The following AKAP19 variants were observed in gnomAD, a reference collection of about 807,000 sequenced individuals.
AKAP19 encodes the protein small A-kinase anchoring protein.
At chr2:190,081,628 T>C in the AKAP19 span, among the ~76,000 whole-genome samples, 2 of 152,308 alleles carry the variant, frequency 1.3e-5, no homozygotes, top group African/African-American at 4.8e-5. Flanking sequence ...TATTAGTTTG[T>C]TTTATAGACT....
At chr2:190,145,338 G>A in the AKAP19 span, among the ~76,000 whole-genome samples, 5 of 152,114 alleles carry the variant, frequency 3.3e-5, no homozygotes, top group Non-Finnish European at 7.4e-5. Flanking sequence ...GTTTTCTATT[G>A]TATAGATACA....
At chr2:189,995,789 C>A in the AKAP19 span, among the ~76,000 whole-genome samples, 2 of 151,902 alleles carry the variant, frequency 1.3e-5, no homozygotes, top group African/African-American at 4.8e-5. Context: ...TATAGAACTC[C>A]TTTTAGCATT....
chr2:189,997,171 A>G, the AKAP19 span, among the ~76,000 whole-genome samples: 1 of 152,114 alleles, frequency 6.6e-6, no homozygotes, highest in Non-Finnish European at 1.5e-5. Flanking sequence ...CCTTCTTTGG[A>G]GCAGGATTAT....
At chr2:189,901,544 G>T in the AKAP19 span, among the ~76,000 whole-genome samples, 1 of 152,006 alleles carries the variant, frequency 6.6e-6, no homozygotes, top group African/African-American at 2.4e-5. Flanking sequence ...CATCATGTTG[G>T]CCAGGCTGGT....
the AKAP19 span, among the ~76,000 whole-genome samples, chr2:190,136,740 G>C: frequency 6.6e-6 from 1 of 152,176 alleles, no homozygotes; most frequent in Non-Finnish European, 1.5e-5. Flanking sequence ...GTGAGAAATA[G>C]AGAAATATTC....
the AKAP19 span, among the ~76,000 whole-genome samples, chr2:189,893,794 AT>A: frequency 3.9e-5 from 6 of 152,246 alleles, no homozygotes; most frequent in South Asian, 1.2e-3. Context: ...CAATAAAAAA[AT>A]AACAATATAG....
At chr2:189,889,957 C>A in the AKAP19 span, among the ~76,000 whole-genome samples, 45 of 152,180 alleles carry the variant, frequency 3.0e-4, no homozygotes, top group African/African-American at 1.0e-3. Context: ...TATTTCTGGT[C>A]TTCTGCTAGC....
At chr2:190,028,622 A>G in the AKAP19 span, among the ~76,000 whole-genome samples, 1 of 152,186 alleles carries the variant, frequency 6.6e-6, no homozygotes, top group Non-Finnish European at 1.5e-5. Context: ...TTCAGTAGAT[A>G]TTTGTTATTT....
chr2:189,972,112 T>C, the AKAP19 span, among the ~76,000 whole-genome samples: 1 of 152,196 alleles, frequency 6.6e-6, no homozygotes, highest in Admixed American at 6.5e-5. Context: ...TTTATGGTTT[T>C]ATGTCTAACA....
chr2:189,893,485 C>T, the AKAP19 span, among the ~76,000 whole-genome samples: 1 of 152,232 alleles, frequency 6.6e-6, no homozygotes, highest in Non-Finnish European at 1.5e-5. Context: ...GTCCCCTGAC[C>T]CCTTGCACTT....
At chr2:189,966,971 TATTC>T in the AKAP19 span, among the ~76,000 whole-genome samples, 1 of 152,204 alleles carries the variant, frequency 6.6e-6, no homozygotes. Flanking sequence ...GACAGCTAAG[TATTC>T]ATTCATTAAA....
chr2:189,996,554 G>C, the AKAP19 span, among the ~76,000 whole-genome samples: 1 of 151,896 alleles, frequency 6.6e-6, no homozygotes, highest in South Asian at 2.1e-4. Context: ...GTATCTCCTT[G>C]AATAAGTTAA....
chr2:190,138,428 A>C, the AKAP19 span, among the ~76,000 whole-genome samples: 1 of 152,190 alleles, frequency 6.6e-6, no homozygotes, highest in South Asian at 2.1e-4. Context: ...GTACTTCCCG[A>C]TACTCCTAGG....
At chr2:190,078,485 G>A in the AKAP19 span, among the ~76,000 whole-genome samples, 6 of 152,038 alleles carry the variant, frequency 3.9e-5, no homozygotes, top group East Asian at 1.2e-3. Flanking sequence ...CTTACCTTTA[G>A]CCCAGAACCC....
chr2:189,943,634 C>T, the AKAP19 span, among the ~76,000 whole-genome samples: 1 of 152,220 alleles, frequency 6.6e-6, no homozygotes, highest in Non-Finnish European at 1.5e-5. Context: ...CCACCAGCAG[C>T]TTGCACCCTG....
chr2:189,897,320 T>C, the AKAP19 span, among the ~76,000 whole-genome samples: 1 of 152,292 alleles, frequency 6.6e-6, no homozygotes, highest in Middle Eastern at 3.4e-3. Context: ...TGGTAAGCTA[T>C]TCATCATGAC....
the AKAP19 span, chr2:190,180,448 G>C: frequency 1.0e-6 from 1 of 985,274 alleles, no homozygotes; most frequent in South Asian, 4.7e-5. This position sits in a 1 kb window ranked among gnomAD's most constrained non-coding sequence, Gnocchi z 6.8. Flanking sequence ...CGAGACCAGG[G>C]GCAGGGCCAG....
At chr2:190,185,603 G>C in the AKAP19 span, among the ~76,000 whole-genome samples, 1 of 152,220 alleles carries the variant, frequency 6.6e-6, no homozygotes, top group Non-Finnish European at 1.5e-5. Context: ...CTGGTAGCCA[G>C]AGTGAAGCCC....
the AKAP19 span, among the ~76,000 whole-genome samples, chr2:190,099,438 A>C: frequency 6.6e-6 from 1 of 152,232 alleles, no homozygotes; most frequent in African/African-American, 2.4e-5. Flanking sequence ...TACAACATTT[A>C]TTAAGTTCAC....
Sources: allele counts gnomAD v4.1 joint callset (sites outside exome capture counted in the v4.1 genomes callset), GRCh38; gene constraint gnomAD v4.1.1; non-coding constraint Gnocchi (gnomAD v3.1); transcripts MANE v1.5; gene names NCBI Gene and HGNC (gene_info 2026-07-23, HGNC 2026-07-21).